The following FGGY variants were observed in gnomAD, a reference collection of about 807,000 sequenced individuals.
FGGY encodes the protein FGGY carbohydrate kinase domain containing.
FGGY carries 72 observed loss-of-function variants against 71.3 expected under a neutral mutation model. The observed-to-expected ratio is 1.01, with a 90% CI of 0.84 to 1.23. The LOEUF is 1.23. FGGY is among the 50% of genes most tolerant of loss of function. FGGY has a pLI of 0.00. For missense variants in FGGY, 668 were observed against 682.3 expected (o/e 0.98, Z 0.23); for synonymous variants, 251 against 250.3 (o/e 1.00, Z -0.02).
intron 6 of FGGY, among the ~76,000 whole-genome samples, chr1:59,468,487 G>C (rs1361783170): frequency 6.6e-6 from 1 of 152,122 alleles, no homozygotes; most frequent in East Asian, 1.9e-4. Context: ...TAGAAAGGTT[G>C]GGCATTTCAC....
At chr1:59,658,151 A>G (rs1214550902) in intron 11 of FGGY, among the ~76,000 whole-genome samples, 1 of 152,182 alleles carries the variant, frequency 6.6e-6, no homozygotes, top group African/African-American at 2.4e-5. Context: ...TTGGTGAGTA[A>G]GACGAGCAAA....
intron 5 of FGGY, among the ~76,000 whole-genome samples, chr1:59,403,807 G>T (rs549511663): frequency 6.6e-6 from 1 of 152,294 alleles, no homozygotes; most frequent in South Asian, 2.1e-4. Flanking sequence ...AGACTGCATG[G>T]CTGTAAGCCC....
chr1:59,408,517 A>G (rs905811076), intron 5 of FGGY, among the ~76,000 whole-genome samples: 1 of 152,204 alleles, frequency 6.6e-6, no homozygotes, highest in African/African-American at 2.4e-5. Context: ...CTGAAAACCT[A>G]CAGAGTTTGG....
At chr1:59,500,988 C>CT (rs2094207315) in intron 6 of FGGY, among the ~76,000 whole-genome samples, 1 of 152,108 alleles carries the variant, frequency 6.6e-6, no homozygotes, top group Admixed American at 6.6e-5. Flanking sequence ...AGAAAAGCCC[C>CT]TGATGTCTTC....
chr1:59,325,226 G>A (rs965089389), intron 2 of FGGY, among the ~76,000 whole-genome samples: 9 of 152,020 alleles, frequency 5.9e-5, no homozygotes, highest in South Asian at 4.2e-4. Context: ...GTGTGGTGGC[G>A]GGCGCCTGTA....
Position 59,378,840 on chromosome 1 carries a change from A to G in FGGY, c.554+3A>G. The G allele has an allele frequency of 1.9e-6, 3 of 1,610,748 alleles. No individual in the cohort carries two copies. Among genetic ancestry groups the G allele is most frequent in the African/African-American group, 2.7e-5 (2 of 74,908 alleles). On this transcript the variant is annotated splice_donor_region_variant and intron_variant, in intron 5 of 15. Transcript: ENST00000303721. ...AAGGCAACAGGTGTCACAGCACGGT[A>G]TGTTAATTACAAGTTGGATTGTGTT...
intron 7 of FGGY, among the ~76,000 whole-genome samples, chr1:59,549,760 C>A (rs1176131884): frequency 1.3e-5 from 2 of 152,194 alleles, no homozygotes; most frequent in African/African-American, 4.8e-5. Flanking sequence ...TTAATCATAA[C>A]ATTTGCAAAG....
At chr1:59,502,963 G>A (rs914305665) in intron 6 of FGGY, among the ~76,000 whole-genome samples, 1 of 152,158 alleles carries the variant, frequency 6.6e-6, no homozygotes, top group Non-Finnish European at 1.5e-5. Context: ...CCTACCAGGG[G>A]AGCCTCCTGC....
intron 6 of FGGY, among the ~76,000 whole-genome samples, chr1:59,493,621 C>T (rs1178779073): frequency 6.6e-6 from 1 of 151,730 alleles, no homozygotes; most frequent in African/African-American, 2.4e-5. Flanking sequence ...ATGATAGTTA[C>T]CAGGGATTTG....
intron 6 of FGGY, among the ~76,000 whole-genome samples, chr1:59,472,410 C>T (rs113077533): frequency 0.024 from 3,676 of 152,292 alleles, 163 homozygotes; most frequent in African/African-American, 0.084. Flanking sequence ...CCCTGACGAG[C>T]GCCGCCCCCT....
chr1:59,472,211 C>A (rs1198932123), intron 6 of FGGY, among the ~76,000 whole-genome samples: 2 of 152,206 alleles, frequency 1.3e-5, no homozygotes, highest in African/African-American at 4.8e-5. Context: ...TCGGCGGACC[C>A]CGCACTTGGA....
intron 5 of FGGY, among the ~76,000 whole-genome samples, chr1:59,432,235 TTGTC>T (rs2067525254): frequency 6.6e-6 from 1 of 152,204 alleles, no homozygotes; most frequent in African/African-American, 2.4e-5. Flanking sequence ...ATGTACCTCT[TTGTC>T]TGGCTGTTCA....
intron 5 of FGGY, among the ~76,000 whole-genome samples, chr1:59,409,598 T>TTATA (rs202016801): frequency 0.038 from 4,037 of 105,630 alleles, 66 homozygotes; most frequent in Non-Finnish European, 0.048. Context: ...GAAGAGTTTT[T>TTATA]TATATATATA....
chr1:59,417,852 A>G (rs954032205), intron 5 of FGGY, among the ~76,000 whole-genome samples: 4 of 152,224 alleles, frequency 2.6e-5, no homozygotes, highest in African/African-American at 7.2e-5. Flanking sequence ...AACTTTAAGT[A>G]AAATAGAAAA....
At chr1:59,399,257 C>G (rs997145811) in intron 5 of FGGY, among the ~76,000 whole-genome samples, 1 of 152,132 alleles carries the variant, frequency 6.6e-6, no homozygotes, top group African/African-American at 2.4e-5. Flanking sequence ...TTAAATACCC[C>G]TTTGTCCCTT....
chr1:59,346,213 G>A (rs1304257298), intron 3 of FGGY, 34 bp from the exon 4 acceptor site: 2 of 1,610,720 alleles, frequency 1.2e-6, no homozygotes, highest in African/African-American at 2.7e-5. Flanking sequence ...AAGAGAATGT[G>A]TGTCCATCTG....
chr1:59,306,802 G>C (rs2043503102), intron 1 of FGGY, among the ~76,000 whole-genome samples: 1 of 152,162 alleles, frequency 6.6e-6, no homozygotes, highest in Non-Finnish European at 1.5e-5. Context: ...ACTTAGGAAG[G>C]ATAGGAAAAT....
chr1:59,391,743 C>G (rs2060722458), intron 5 of FGGY, among the ~76,000 whole-genome samples: 1 of 152,206 alleles, frequency 6.6e-6, no homozygotes, highest in Non-Finnish European at 1.5e-5. Context: ...AAGATGATCT[C>G]TAGCATGACT....
intron 5 of FGGY, among the ~76,000 whole-genome samples, chr1:59,400,083 A>G (rs1390694): frequency 0.033 from 4,978 of 152,292 alleles, 108 homozygotes; most frequent in South Asian, 0.074. Flanking sequence ...ATATATTAAT[A>G]CATTTTTGGT....
Sources: allele counts gnomAD v4.1 joint callset (sites outside exome capture counted in the v4.1 genomes callset), GRCh38; gene constraint gnomAD v4.1.1; transcripts MANE v1.5; gene names NCBI Gene and HGNC (gene_info 2026-07-23, HGNC 2026-07-21).